Variants in SGIP1 observed in about 807,000 individuals in gnomAD.
SGIP1 encodes the protein SH3-containing GRB2-like protein 3-interacting protein 1.
In SGIP1, 38 loss-of-function variants were observed where a neutral mutation model predicts 107.5. The ratio of observed to expected loss-of-function variants is 0.35; its 90% CI spans 0.27 to 0.46. The LOEUF (loss-of-function observed/expected upper bound fraction) is 0.46, where lower values mean the gene tolerates loss of function less well. SGIP1 is among the 20% of genes least tolerant of loss of function. The probability of loss-of-function intolerance (pLI) is 1.00; values close to 1 mark genes in which losing one functional copy is unlikely to be tolerated. For synonymous variants in SGIP1, 365 were observed against 366.1 expected (o/e 1.00, Z 0.03); for missense variants, 929 against 1,019.5 (o/e 0.91, Z 1.21).
intron 1 of SGIP1, among the ~76,000 whole-genome samples, chr1:66,556,264 G>A (rs1557872452): frequency 6.6e-6 from 1 of 152,064 alleles, no homozygotes; most frequent in Non-Finnish European, 1.5e-5. Context: ...CCTCAGTGAT[G>A]ACAACTTCAC....
At chr1:66,579,066 T>C (rs540496353) in intron 1 of SGIP1, among the ~76,000 whole-genome samples, 23 of 152,350 alleles carry the variant, frequency 1.5e-4, no homozygotes, top group African/African-American at 5.1e-4. Flanking sequence ...CCTCTTTAAG[T>C]ATCCAGGAAG....
intron 1 of SGIP1, among the ~76,000 whole-genome samples, chr1:66,548,935 C>T (rs1032497903): frequency 6.6e-6 from 1 of 152,204 alleles, no homozygotes; most frequent in African/African-American, 2.4e-5. Flanking sequence ...GCAAGGCTTC[C>T]TGTAGGTGGG....
chr1:66,607,051 C>A (rs913713980), intron 1 of SGIP1, among the ~76,000 whole-genome samples: 2 of 152,144 alleles, frequency 1.3e-5, no homozygotes, highest in Admixed American at 1.3e-4. Context: ...GGGATTGGAG[C>A]CATGCACTGT....
chr1:66,640,155 A>G (rs1212037308), intron 5 of SGIP1, among the ~76,000 whole-genome samples: 1 of 152,152 alleles, frequency 6.6e-6, no homozygotes, highest in Non-Finnish European at 1.5e-5. Context: ...AAGCCAAAAG[A>G]TTGGACACCC....
In SGIP1 at chr1:66,695,317, T is replaced by C. The variant is rs1165368590; in HGVS notation, c.1571-117T>C. 1.9e-6 allele frequency: 3 copies of C among 1,572,196 alleles called. No homozygotes were observed. In the East Asian group the frequency reaches 7.2e-5, roughly 38 times the overall value. On this transcript the variant is annotated intron_variant, in intron 17 of 24. Transcript: ENST00000371037. Reference sequence around the variant, plus strand: ...CTTTTTCCTGCACGCTAATGGCATGTAGTGCCTCCACCCTTCCCTATAGTG... The same window carrying C: ...CTTTTTCCTGCACGCTAATGGCATGCAGTGCCTCCACCCTTCCCTATAGTG...
intron 18 of SGIP1, among the ~76,000 whole-genome samples, chr1:66,711,526 G>A (rs953526658): frequency 4.6e-5 from 7 of 152,054 alleles, no homozygotes; most frequent in African/African-American, 1.7e-4. Context: ...AATATAATCA[G>A]CTTTTAAAGA....
intron 1 of SGIP1, among the ~76,000 whole-genome samples, chr1:66,548,696 A>G (rs963686744): frequency 3.3e-5 from 5 of 152,162 alleles, no homozygotes; most frequent in African/African-American, 1.2e-4. Context: ...AATACTTAAG[A>G]GATCTTACTG....
At chr1:66,672,248 A>G (rs562134787) in intron 11 of SGIP1, among the ~76,000 whole-genome samples, 12 of 152,226 alleles carry the variant, frequency 7.9e-5, no homozygotes, top group African/African-American at 2.6e-4. Context: ...CCCCTTCCTG[A>G]TGGGACAGCT....
intron 4 of SGIP1, among the ~76,000 whole-genome samples, chr1:66,636,866 A>G (rs1293867744): frequency 6.6e-6 from 1 of 152,184 alleles, no homozygotes; most frequent in Non-Finnish European, 1.5e-5. Context: ...AACTGTCACT[A>G]TATTTATCTA....
At chr1:66,581,407 A>C (rs2061807311) in intron 1 of SGIP1, among the ~76,000 whole-genome samples, 1 of 152,090 alleles carries the variant, frequency 6.6e-6, no homozygotes, top group African/African-American at 2.4e-5. Flanking sequence ...CATAAAACCC[A>C]TAGAATAGTG....
In SGIP1 at chr1:66,719,307, A is replaced by G. The variant is rs760120979; in HGVS notation, c.1644A>G (p.Gly548=). ...FYLTFEGSSR[G]PSPLTMGAQD... ...CATTTCATGCAGGTTCTTCCAGGGG[A>G]CCCAGCCCCCTAACCATGGGAGCTC... Residue 548 remains glycine, a synonymous_variant, in exon 19 of 25, where the codon GGA becomes GGG. Transcript: ENST00000371037. 1.9e-6 allele frequency: 3 copies of G among 1,611,764 alleles called. No individual in the cohort carries two copies. The highest frequency in any genetic ancestry group is 2.2e-5 in the East Asian group (1 of 44,834).
At chr1:66,548,458 G>T (rs763370940) in intron 1 of SGIP1, among the ~76,000 whole-genome samples, 2 of 151,828 alleles carry the variant, frequency 1.3e-5, no homozygotes, top group Non-Finnish European at 2.9e-5. Context: ...TAACCCAAAC[G>T]GTTCTGGCAT....
At chr1:66,617,983 C>A (rs2069835607) in intron 1 of SGIP1, among the ~76,000 whole-genome samples, 1 of 152,148 alleles carries the variant, frequency 6.6e-6, no homozygotes, top group African/African-American at 2.4e-5. Context: ...TATTTATCAC[C>A]TGTGTGACCT....
At chr1:66,585,570 T>TTGTGTGTGTGTGTGTG (rs113981156) in intron 1 of SGIP1, among the ~76,000 whole-genome samples, 15,591 of 149,912 alleles carry the variant, frequency 0.1, 845 homozygotes, top group South Asian at 0.12. Context: ...GCTTTGGAGT[T>TTGTGTGTGTGTGTGTG]TGTGTGTGTG....
chr1:66,541,345 G>A (rs887978706), intron 1 of SGIP1, among the ~76,000 whole-genome samples: 2 of 152,238 alleles, frequency 1.3e-5, no homozygotes, highest in South Asian at 2.1e-4. Context: ...TCAAGTGACA[G>A]GTGAGCATTC....
chr1:66,695,263 A>AAAAAAAAAAAAAAAAT, intron 17 of SGIP1, 171 bp from the exon 18 acceptor site: 2 of 1,307,256 alleles, frequency 1.5e-6, no homozygotes, highest in African/African-American at 3.1e-5. Flanking sequence ...ACTAAAAAAA[A>AAAAAAAAAAAAAAAAT]AAAAAAAAGT....
intron 19 of SGIP1, among the ~76,000 whole-genome samples, chr1:66,724,717 A>G (rs548316106): frequency 2.0e-5 from 3 of 152,328 alleles, no homozygotes; most frequent in Admixed American, 2.0e-4. Context: ...CTGTTGAGTT[A>G]ATAAATGCCA....
chr1:66,729,222 T>C (rs1479960905), intron 19 of SGIP1, 42 bp from the exon 20 acceptor site: 3 of 1,596,026 alleles, frequency 1.9e-6, no homozygotes, highest in Non-Finnish European at 2.6e-6. Flanking sequence ...TGTATTGACA[T>C]GGATTTTCTC....
rs770690046 is a variant in SGIP1, at chr1:66,729,306, T to G, written c.1785T>G (p.Pro595=). The G allele has an allele frequency of 6.2e-7, 1 of 1,614,182 alleles. No individual in the cohort carries two copies. Among genetic ancestry groups the G allele is most frequent in the South Asian group, 1.1e-5 (1 of 91,086 alleles). ...KITGEMVLSF[P]AGITRHFANN... is the part of the protein sequence containing the mutation. The stretch of plus-strand genomic sequence containing the variant: ...CCGGAGAAATGGTGTTGTCATTTCC[T>G]GCTGGCATCACCAGACACTTTGCCA... Residue 595 remains proline, a synonymous_variant, in exon 20 of 25, where the codon CCT becomes CCG. Transcript: ENST00000371037.
Sources: allele counts gnomAD v4.1 joint callset (sites outside exome capture counted in the v4.1 genomes callset), GRCh38; gene constraint gnomAD v4.1.1; transcripts MANE v1.5; gene names NCBI Gene and HGNC (gene_info 2026-07-23, HGNC 2026-07-21).